RXFP1: variants seen among roughly 807,000 people sequenced by gnomAD.
The protein encoded by RXFP1 is relaxin family peptide receptor 1.
RXFP1 carries 73 observed loss-of-function variants against 89.8 expected under a neutral mutation model. That is an observed-to-expected ratio of 0.81 (90% CI 0.67 to 0.99). The LOEUF (loss-of-function observed/expected upper bound fraction) is 0.99. Ranked by LOEUF, RXFP1 falls within the 50% of genes least tolerant of loss-of-function variation. The pLI is 0.00. For synonymous variants in RXFP1, 277 were observed against 305.5 expected, an observed-to-expected ratio of 0.91 and a Z score of 0.97; for missense variants, 793 against 895.5, an observed-to-expected ratio of 0.89 and a Z score of 1.46.
intron 1 of RXFP1, among the ~76,000 whole-genome samples, chr4:158,548,636 G>A (rs1041623318): frequency 7.9e-5 from 12 of 152,066 alleles, no homozygotes; most frequent in African/African-American, 2.9e-4. Flanking sequence ...GCTCTTTTAG[G>A]GCAGGCCTGG....
rs553357467 is a variant in RXFP1 at position 158,638,147 on chromosome 4, T to A, written c.1043+68T>A. On this transcript the variant is annotated intron_variant, in intron 13 of 17. Transcript: ENST00000307765. ...TTTTAAATACTAACAATGTATATTT[T>A]TATATATTTACTTCAAATCATAAGC... 1.8e-5 allele frequency: 15 copies of A among 856,078 alleles called. No homozygotes were observed. The African/African-American group carries it at 2.4e-4, about 14-fold the overall frequency. 53.0% of individuals were successfully genotyped at this position (856,078 alleles called of 1,614,324 possible).
intron 1 of RXFP1, chr4:158,543,922 C>T (rs1385884727): frequency 2.0e-6 from 2 of 985,316 alleles, no homozygotes; most frequent in South Asian, 4.7e-5. Context: ...TACTGAATAT[C>T]GATATAGTAG....
At chr4:158,638,461 A>T (rs528829904) in intron 13 of RXFP1, among the ~76,000 whole-genome samples, 2 of 151,928 alleles carry the variant, frequency 1.3e-5, no homozygotes, top group African/African-American at 4.8e-5. Flanking sequence ...TACTTGTACC[A>T]CACACACACA....
chr4:158,567,809 C>T (rs1411490654), intron 1 of RXFP1, among the ~76,000 whole-genome samples: 3 of 152,134 alleles, frequency 2.0e-5, no homozygotes, highest in Non-Finnish European at 4.4e-5. Flanking sequence ...CTCTGTAAAA[C>T]GGACCAATCA....
chr4:158,547,321 C>A (rs546947914), intron 1 of RXFP1, among the ~76,000 whole-genome samples: 1 of 152,026 alleles, frequency 6.6e-6, no homozygotes, highest in South Asian at 2.1e-4. Context: ...TTTATTGCAT[C>A]TATTTGATTC....
chr4:158,612,262 T>C, intron 7 of RXFP1, 29 bp from the exon 8 acceptor site: 1 of 1,604,926 alleles, frequency 6.2e-7, no homozygotes, highest in Non-Finnish European at 8.5e-7. Flanking sequence ...GATATATAAA[T>C]GAATTAATTT....
At chr4:158,633,568 AGT>A in intron 12 of RXFP1, 92 bp downstream of exon 12, 1 of 770,998 alleles carries the variant, frequency 1.3e-6, no homozygotes. Context: ...GCCATTTTTA[AGT>A]GTGTAGTTGA....
chr4:158,578,894 C>T (rs760448340), intron 2 of RXFP1, among the ~76,000 whole-genome samples: 40 of 151,290 alleles, frequency 2.6e-4, no homozygotes, highest in African/African-American at 7.5e-4. Context: ...CATTTTGGGT[C>T]GTGTAGTGTG....
chr4:158,638,972 C>A (rs1580270610), intron 13 of RXFP1, among the ~76,000 whole-genome samples: 1 of 152,184 alleles, frequency 6.6e-6, no homozygotes, highest in South Asian at 2.1e-4. Flanking sequence ...AAAGATAATG[C>A]TTGTGCATTT....
rs759834809 is a variant in RXFP1 at position 158,646,829 on chromosome 4, G to A, written c.1384G>A (p.Gly462Arg). The change falls in exon 16 of 18, where the codon GGA becomes AGA. Residue 462 changes from glycine to arginine, a missense_variant. Gly to Arg is a moderately radical substitution (Grantham distance 125). Transcript: ENST00000307765. Reference sequence around the variant, plus strand: ...AATGGGAATATATTTATTCGTGATCGGAGGCTTTGACCTAAAGTTTCGTGG... The same window carrying A: ...AATGGGAATATATTTATTCGTGATCAGAGGCTTTGACCTAAAGTTTCGTGG... Reference protein sequence around the residue: ...CLMGIYLFVIGGFDLKFRGEY... With the variant: ...CLMGIYLFVIRGFDLKFRGEY... 7 of 1,613,330 alleles carry A rather than the reference G, an allele frequency of 4.3e-6. No homozygotes were observed. Among genetic ancestry groups the A allele is most frequent in the East Asian group, 4.5e-5 (2 of 44,866 alleles).
intron 8 of RXFP1, among the ~76,000 whole-genome samples, chr4:158,612,768 G>A (rs188584459): frequency 6.6e-6 from 1 of 152,120 alleles, no homozygotes; most frequent in East Asian, 1.9e-4. Context: ...GTGCCATCAC[G>A]CCCAGCTAAC....
At chr4:158,523,677 T>G (rs1021095355) in intron 1 of RXFP1, among the ~76,000 whole-genome samples, 2 of 152,180 alleles carry the variant, frequency 1.3e-5, no homozygotes, top group Non-Finnish European at 2.9e-5. Flanking sequence ...AGGCAATTCC[T>G]CGCTACATGG....
At chr4:158,593,179 T>C (rs1370840825) in intron 2 of RXFP1, among the ~76,000 whole-genome samples, 1 of 152,010 alleles carries the variant, frequency 6.6e-6, no homozygotes, top group African/African-American at 2.4e-5. Context: ...AATAATTAAA[T>C]TAAATTTAAA....
At chr4:158,594,387 G>T (rs142701252) in intron 3 of RXFP1, among the ~76,000 whole-genome samples, 32 of 152,250 alleles carry the variant, frequency 2.1e-4, no homozygotes, top group African/African-American at 7.7e-4. Context: ...TATTTTCTGG[G>T]GTGGCACTAT....
chr4:158,638,221 G>C, intron 13 of RXFP1, 142 bp downstream of exon 13: 1 of 537,244 alleles, frequency 1.9e-6, no homozygotes, highest in Non-Finnish European at 3.3e-6. Context: ...ATGGGTGCTT[G>C]CTGAACTATA....
intron 11 of RXFP1, among the ~76,000 whole-genome samples, chr4:158,632,289 T>C (rs1303342809): frequency 6.6e-6 from 1 of 152,208 alleles, no homozygotes; most frequent in African/African-American, 2.4e-5. Flanking sequence ...TTATTTTTAG[T>C]TTTAAAAACT....
At chr4:158,549,728 T>A (rs1418794546) in intron 1 of RXFP1, among the ~76,000 whole-genome samples, 1 of 152,226 alleles carries the variant, frequency 6.6e-6, no homozygotes, top group African/African-American at 2.4e-5. Context: ...CAGACCCTGT[T>A]TGCCTGGGTA....
rs140794973 is a variant in RXFP1, at chr4:158,589,600, A to G, written c.188-3801A>G. 4.9e-3 allele frequency among the ~76,000 whole-genome samples: 750 copies of G among 152,210 alleles called. 7 individuals are homozygous for G. Among genetic ancestry groups the G allele is most frequent in the African/African-American group, 0.017 (713 of 41,520 alleles). ...ACTCATGTGTCTTCAAACAAACTAC[A>G]ACTAACCTCATCAGACAGGAAAGGG... On this transcript the variant is annotated intron_variant, in intron 2 of 17. Coordinates refer to ENST00000307765, the MANE Select transcript of RXFP1 (RefSeq NM_021634.4).
At chr4:158,590,966 C>T (rs1006247279) in intron 2 of RXFP1, among the ~76,000 whole-genome samples, 2 of 152,186 alleles carry the variant, frequency 1.3e-5, no homozygotes, top group Admixed American at 1.3e-4. Flanking sequence ...TCTGTCACAA[C>T]TGCTACTGCT....
Sources: allele counts gnomAD v4.1 joint callset (sites outside exome capture counted in the v4.1 genomes callset), GRCh38; gene constraint gnomAD v4.1.1; transcripts MANE v1.5; gene names NCBI Gene and HGNC (gene_info 2026-07-23, HGNC 2026-07-21).